HMG20A: variants seen among roughly 807,000 people sequenced by gnomAD.
HMG20A encodes the protein high mobility group protein 20A.
In HMG20A, 17 loss-of-function variants were observed where a neutral mutation model predicts 43.9. The observed-to-expected ratio is 0.39, with a 90% CI of 0.27 to 0.58. The LOEUF (loss-of-function observed/expected upper bound fraction) is 0.58. Among genes scored for constraint, HMG20A ranks in the 20% least tolerant of loss-of-function variants. The probability of loss-of-function intolerance (pLI) is 0.59; values close to 1 mark genes in which losing one functional copy is unlikely to be tolerated. For synonymous variants in HMG20A, 132 were observed against 147.5 expected (o/e 0.89, Z 0.76); for missense variants, 341 against 438.2 (o/e 0.78, Z 1.98).
At chr15:77,440,558 G>A (rs543171588) in intron 1 of HMG20A, among the ~76,000 whole-genome samples, 18 of 152,094 alleles carry the variant, frequency 1.2e-4, no homozygotes, top group Non-Finnish European at 2.4e-4. Context: ...TCTCACTTAT[G>A]CTATTTGTCC....
chr15:77,431,923 C>T lies in HMG20A; in HGVS notation c.-5+10919C>T, dbSNP rs1165996992. Reference sequence around the variant, plus strand: ...GGCTAATTTCACTTAACAGATAATGCCCTCCAGGCTCATTCATTTTGTTGC... The same window carrying T: ...GGCTAATTTCACTTAACAGATAATGTCCTCCAGGCTCATTCATTTTGTTGC... On this transcript the variant is annotated intron_variant, in intron 1 of 9. Coordinates refer to ENST00000336216, the MANE Select transcript of HMG20A (RefSeq NM_001304504.2). Among the ~76,000 whole-genome samples the T allele has an allele frequency of 2.2e-4, 33 of 152,134 alleles. 1 individual carries two copies. The highest frequency in any genetic ancestry group is 2.2e-3 in the Admixed American group (33 of 15,260).
intron 1 of HMG20A, among the ~76,000 whole-genome samples, chr15:77,437,737 A>G (rs796449687): frequency 2.5e-4 from 38 of 151,898 alleles, no homozygotes; most frequent in African/African-American, 8.7e-4. Context: ...ACACCTGACT[A>G]ATGTTTGTAT....
downstream of HMG20A, among the ~76,000 whole-genome samples, chr15:77,488,223 A>C (rs1185199585): frequency 1.3e-5 from 2 of 152,072 alleles, no homozygotes; most frequent in Non-Finnish European, 2.9e-5. Flanking sequence ...TCTTATTTGA[A>C]TCTCTCTCTC....
the HMG20A span, among the ~76,000 whole-genome samples, chr15:77,499,946 C>T: frequency 6.6e-6 from 1 of 151,964 alleles, no homozygotes; most frequent in Admixed American, 6.5e-5. Flanking sequence ...TCTCCTGCCT[C>T]AGCCCTCCCT....
intron 1 of HMG20A, among the ~76,000 whole-genome samples, chr15:77,454,842 G>A (rs2072639518): frequency 6.6e-6 from 1 of 152,102 alleles, no homozygotes; most frequent in African/African-American, 2.4e-5. Flanking sequence ...GAAATGATAG[G>A]AGATGATGGT....
At chr15:77,513,589 C>CCT in the HMG20A span, among the ~76,000 whole-genome samples, 1 of 152,084 alleles carries the variant, frequency 6.6e-6, no homozygotes, top group African/African-American at 2.4e-5. Context: ...TCTGGTGAGT[C>CCT]CTCTCTCTCT....
intron 2 of HMG20A, among the ~76,000 whole-genome samples, chr15:77,463,920 A>C (rs2072729788): frequency 1.3e-5 from 2 of 152,234 alleles, no homozygotes; most frequent in South Asian, 4.1e-4. Context: ...GAAAGGTAGC[A>C]TGTAAAAGTC....
intron 1 of HMG20A, among the ~76,000 whole-genome samples, chr15:77,444,498 A>G (rs2073651290): frequency 6.6e-6 from 1 of 152,216 alleles, no homozygotes. Context: ...TGTAGTTTTA[A>G]ACTTGTTTTT....
At chr15:77,456,123 C>A (rs565444184) in intron 1 of HMG20A, among the ~76,000 whole-genome samples, 1 of 152,218 alleles carries the variant, frequency 6.6e-6, no homozygotes, top group South Asian at 2.1e-4. Flanking sequence ...TGTGTGTTCT[C>A]TGAACTTCCT....
In HMG20A at chr15:77,460,505, A is replaced by G. The variant is rs541875563; in HGVS notation, c.89+2009A>G. ...ATTAGATATCTAAGTGGAGATGTCA[A>G]ATAGGCACTTTGATATCAGGTTCTG... On this transcript the variant is annotated intron_variant, in intron 2 of 9. Coordinates refer to ENST00000336216, the MANE Select transcript of HMG20A (RefSeq NM_001304504.2). Among the ~76,000 whole-genome samples the G allele has an allele frequency of 3.3e-5, 5 of 152,202 alleles. No individual in the cohort carries two copies. In the East Asian group the frequency reaches 5.8e-4, roughly 18 times the overall value.
At chr15:77,442,599 A>G (rs750524150) in intron 1 of HMG20A, among the ~76,000 whole-genome samples, 7 of 152,154 alleles carry the variant, frequency 4.6e-5, no homozygotes, top group Non-Finnish European at 1.0e-4. Context: ...AGACATGCGT[A>G]CTCTTCTCTG....
chr15:77,458,295 A>T (rs2072674626), intron 1 of HMG20A, 109 bp from the exon 2 acceptor site: 3 of 677,200 alleles, frequency 4.4e-6, no homozygotes, highest in Non-Finnish European at 7.6e-6. Context: ...GTCAGTTTTT[A>T]TTCTGTTGCT....
chr15:77,449,310 C>T (rs750201568), intron 1 of HMG20A, among the ~76,000 whole-genome samples: 1 of 152,084 alleles, frequency 6.6e-6, no homozygotes, highest in Non-Finnish European at 1.5e-5. Flanking sequence ...CTTTTTCCCT[C>T]TCATCTCACA....
intron 1 of HMG20A, among the ~76,000 whole-genome samples, chr15:77,444,279 C>G (rs2073648805): frequency 6.6e-6 from 1 of 152,108 alleles, no homozygotes. Flanking sequence ...GAAGTACTTG[C>G]TAACACAGGC....
the HMG20A span, among the ~76,000 whole-genome samples, chr15:77,506,423 T>C: frequency 6.6e-6 from 1 of 152,208 alleles, no homozygotes; most frequent in African/African-American, 2.4e-5. Context: ...CCGGAGGCAG[T>C]GCGTTCTCCC....
chr15:77,478,685 G>A (rs913205466), intron 8 of HMG20A, among the ~76,000 whole-genome samples, 175 bp downstream of exon 8: 5 of 152,122 alleles, frequency 3.3e-5, no homozygotes, highest in Admixed American at 6.5e-5. Context: ...GGCTAAAATC[G>A]TCCAATGTTT....
At chr15:77,431,295 T>A (rs560620076) in intron 1 of HMG20A, among the ~76,000 whole-genome samples, 1 of 152,304 alleles carries the variant, frequency 6.6e-6, no homozygotes, top group Admixed American at 6.5e-5. Context: ...CACTGCAACC[T>A]TTGCCTCCTG....
downstream of HMG20A, among the ~76,000 whole-genome samples, chr15:77,486,660 G>T (rs1012029966): frequency 6.6e-6 from 1 of 152,146 alleles, no homozygotes; most frequent in African/African-American, 2.4e-5. Context: ...AGGCAACCTG[G>T]TTTCCAGAGC....
At chr15:77,439,290 A>G (rs1199308667) in intron 1 of HMG20A, among the ~76,000 whole-genome samples, 1 of 152,110 alleles carries the variant, frequency 6.6e-6, no homozygotes, top group African/African-American at 2.4e-5. Flanking sequence ...TTTACTTTTT[A>G]AAACTGTGGT....
Sources: gnomAD v4.1 joint callset for allele counts (sites outside exome capture counted in the v4.1 genomes callset) on GRCh38, gnomAD v4.1.1 for gene constraint, MANE v1.5 for transcripts, NCBI Gene and HGNC (gene_info 2026-07-23, HGNC 2026-07-21) for gene names.